Variants in CNTLN observed in about 807,000 individuals in gnomAD.
CNTLN encodes the protein centlein, centrosomal protein.
In CNTLN, 212 loss-of-function variants were observed where a neutral mutation model predicts 180.0. The ratio of observed to expected loss-of-function variants is 1.18; its 90% CI spans 1.05 to 1.32. The LOEUF (loss-of-function observed/expected upper bound fraction) is 1.32. Ranked by LOEUF, CNTLN falls within the 40% of genes most tolerant of loss-of-function variation. CNTLN has a pLI of 0.00. For synonymous variants in CNTLN, 722 were observed against 563.1 expected, an observed-to-expected ratio of 1.28 and a Z score of -3.99; for missense variants, 2,095 against 1,610.9, an observed-to-expected ratio of 1.30 and a Z score of -5.14.
intron 24 of CNTLN, among the ~76,000 whole-genome samples, chr9:17,486,269 C>A (rs1021835205): frequency 6.7e-6 from 1 of 149,758 alleles, no homozygotes; most frequent in Non-Finnish European, 1.5e-5. Flanking sequence ...TCTGAAGTGC[C>A]TAGCATGATG....
chr9:17,368,545 C>T (rs1489087806), intron 13 of CNTLN, among the ~76,000 whole-genome samples: 1 of 152,164 alleles, frequency 6.6e-6, no homozygotes, highest in Non-Finnish European at 1.5e-5. Context: ...TTGGGTGAGA[C>T]TCAGGGATAT....
Position 17,464,390 on chromosome 9 carries a change from G to A in CNTLN, c.3405-107G>A, listed in dbSNP as rs1046981565. 3.5e-4 allele frequency: 305 copies of A among 876,184 alleles called. 1 individual carries two copies. Among genetic ancestry groups the A allele is most frequent in the Non-Finnish European group, 2.8e-4 (160 of 573,502 alleles). 54.3% of individuals were successfully genotyped at this position (876,184 alleles called of 1,614,324 possible). A position where few individuals can be genotyped will look rare whatever the true frequency, so the allele number is the denominator to read the frequency against. On this transcript the variant is annotated intron_variant, in intron 20 of 25. Transcript: ENST00000380647. ...TACTGATTTACAGTGTCAATATCAC[G>A]TAGCATTTAAAAAGTAACAGTAGGT...
At chr9:17,338,471 C>T (rs1350695040) in intron 10 of CNTLN, among the ~76,000 whole-genome samples, 1 of 150,046 alleles carries the variant, frequency 6.7e-6, no homozygotes, top group Non-Finnish European at 1.5e-5. Context: ...CTGTGTCCAG[C>T]CTATTAATTT....
chr9:17,135,365 C>G lies in CNTLN; in HGVS notation c.300C>G (p.Thr100=). The change falls in exon 1 of 26, where the codon ACC becomes ACG. Residue 100 remains threonine, a synonymous_variant. Transcript: ENST00000380647. ...EGISVEEAMV[T]RTQLLEEELS... is the part of the protein sequence containing the mutation. ...TCTCGGTAGAGGAGGCGATGGTGAC[C>G]CGGACGCAGCTGCTGGAGGAAGAGC... 6.3e-7 allele frequency: 1 copy of G among 1,599,938 alleles called. No homozygotes were observed. Among genetic ancestry groups the G allele is most frequent in the Non-Finnish European group, 8.5e-7 (1 of 1,174,194 alleles).
intron 6 of CNTLN, among the ~76,000 whole-genome samples, chr9:17,293,414 C>G (rs1016719248): frequency 1.3e-5 from 2 of 152,220 alleles, no homozygotes; most frequent in Non-Finnish European, 2.9e-5. Context: ...GGCTGCCTCT[C>G]CCACTAGAGG....
chr9:17,405,818 T>C (rs1309081280), intron 15 of CNTLN, among the ~76,000 whole-genome samples: 2 of 151,784 alleles, frequency 1.3e-5, no homozygotes, highest in Non-Finnish European at 2.9e-5. Context: ...GATGGAGTTT[T>C]GCTCCTGTTG....
intron 6 of CNTLN, among the ~76,000 whole-genome samples, chr9:17,296,454 T>A (rs1448333863): frequency 6.6e-6 from 1 of 152,228 alleles, no homozygotes; most frequent in African/African-American, 2.4e-5. Flanking sequence ...AAATTTGCTA[T>A]GTTTTAACAC....
chr9:17,395,072 A>G lies in CNTLN; in HGVS notation c.2615+3A>G, dbSNP rs1364475826. 4 of 1,600,224 alleles carry G rather than the reference A, an allele frequency of 2.5e-6. No individual in the cohort carries two copies. The African/African-American group carries it at 4.0e-5, about 16-fold the overall frequency. Reference sequence around the variant, plus strand: ...TGGGAGGATGTGAGTGAAAGCAGGTAAGGCTCTCATTAACTTAGCTCTGTG... The same window carrying G: ...TGGGAGGATGTGAGTGAAAGCAGGTGAGGCTCTCATTAACTTAGCTCTGTG... On this transcript the variant is annotated splice_donor_region_variant and intron_variant, in intron 15 of 25. Coordinates refer to ENST00000380647, the MANE Select transcript of CNTLN (RefSeq NM_017738.4).
intron 13 of CNTLN, among the ~76,000 whole-genome samples, chr9:17,380,949 A>G (rs940310017): frequency 6.6e-6 from 1 of 152,178 alleles, no homozygotes; most frequent in Admixed American, 6.5e-5. Context: ...TGTAAACATG[A>G]AGAGCTTCTT....
At chr9:17,272,031 CTTCCTTTT>C (rs920988563) in intron 5 of CNTLN, among the ~76,000 whole-genome samples, 12 of 147,502 alleles carry the variant, frequency 8.1e-5, no homozygotes, top group Admixed American at 7.5e-4. Context: ...CCCTCCCTTC[CTTCCTTTT>C]TTCCTTCCTT....
chr9:17,323,921 C>T (rs1300333922), intron 8 of CNTLN, among the ~76,000 whole-genome samples: 4 of 152,144 alleles, frequency 2.6e-5, no homozygotes, highest in Non-Finnish European at 5.9e-5. Flanking sequence ...GAGGTGATGA[C>T]AGCGTTGTTG....
chr9:17,432,405 G>C (rs1271168588), intron 18 of CNTLN, among the ~76,000 whole-genome samples: 2 of 152,142 alleles, frequency 1.3e-5, no homozygotes, highest in Non-Finnish European at 2.9e-5. Context: ...CAGGAGAAGA[G>C]CTTCAGAATT....
chr9:17,517,871 T>C, the CNTLN span, among the ~76,000 whole-genome samples: 2 of 152,026 alleles, frequency 1.3e-5, no homozygotes, highest in African/African-American at 4.8e-5. Context: ...GCATGATCAG[T>C]TACCTCATCT....
At chr9:17,393,080 A>G (rs536748716) in intron 14 of CNTLN, among the ~76,000 whole-genome samples, 13 of 152,312 alleles carry the variant, frequency 8.5e-5, no homozygotes, top group African/African-American at 3.1e-4. Flanking sequence ...TCTGAGATTC[A>G]GTGTCTTGTG....
At position 17,424,286 on chromosome 9, in the gene CNTLN, C is replaced by T. The variant is rs142108887; in HGVS notation, c.3114+8097C>T. Among the ~76,000 whole-genome samples, 31 of 152,190 alleles carry T rather than the reference C, an allele frequency of 2.0e-4. 1 individual carries two copies. Among genetic ancestry groups the T allele is most frequent in the African/African-American group, 7.5e-4 (31 of 41,520 alleles). ...AGGCAGACTATATTGACTTACTCTTCCAGTTTGAATGATCAGATTTTTGAC... is the reference window on the plus strand; with the variant it reads ...AGGCAGACTATATTGACTTACTCTTTCAGTTTGAATGATCAGATTTTTGAC... On this transcript the variant is annotated intron_variant, in intron 18 of 25. Transcript: ENST00000380647.
intron 2 of CNTLN, among the ~76,000 whole-genome samples, chr9:17,203,516 G>A (rs1822696760): frequency 6.6e-6 from 1 of 151,946 alleles, no homozygotes; most frequent in Non-Finnish European, 1.5e-5. Flanking sequence ...ATTCTTGGAG[G>A]CCTTGTTTGT....
chr9:17,376,540 C>T (rs185396838), intron 13 of CNTLN, among the ~76,000 whole-genome samples: 2,486 of 152,036 alleles, frequency 0.016, 35 homozygotes, highest in African/African-American at 0.04. Flanking sequence ...CAAGCTCCGC[C>T]TCCCGGGTTC....
chr9:17,306,447 C>T (rs756666930), intron 7 of CNTLN, among the ~76,000 whole-genome samples: 1 of 152,092 alleles, frequency 6.6e-6, no homozygotes, highest in Non-Finnish European at 1.5e-5. Context: ...ACGTGCCTGA[C>T]CAGTGCTCTA....
intron 19 of CNTLN, among the ~76,000 whole-genome samples, chr9:17,459,127 A>G (rs1317824908): frequency 6.6e-6 from 1 of 151,880 alleles, no homozygotes; most frequent in Non-Finnish European, 1.5e-5. Context: ...GACTTCTAAA[A>G]GACATAAATA....
Sources: gnomAD v4.1 joint callset for allele counts (sites outside exome capture counted in the v4.1 genomes callset) on GRCh38, gnomAD v4.1.1 for gene constraint, MANE v1.5 for transcripts, NCBI Gene and HGNC (gene_info 2026-07-23, HGNC 2026-07-21) for gene names.